The following KCNMA1 variants were observed in gnomAD, a reference collection of about 807,000 sequenced individuals.
The protein encoded by KCNMA1 is Calcium-activated potassium channel subunit alpha-1.
A neutral mutation model predicts 140.0 loss-of-function variants in KCNMA1; 29 were observed. That is an observed-to-expected ratio of 0.21 (90% CI 0.15 to 0.28). The LOEUF (loss-of-function observed/expected upper bound fraction) is 0.28, where lower values mean the gene tolerates loss of function less well. Among genes scored for constraint, KCNMA1 ranks in the 10% least tolerant of loss-of-function variants. KCNMA1 has a pLI of 1.00. For synonymous variants in KCNMA1, 612 were observed against 611.9 expected, an observed-to-expected ratio of 1.00 and a Z score of 0.00; for missense variants, 880 against 1,602.2, an observed-to-expected ratio of 0.55 and a Z score of 7.70.
intron 14 of KCNMA1, among the ~76,000 whole-genome samples, chr10:77,069,326 G>A (rs1175586313): frequency 6.6e-6 from 1 of 152,142 alleles, no homozygotes; most frequent in Non-Finnish European, 1.5e-5. Flanking sequence ...GAACTCAAGG[G>A]TTCAAATAAG....
intron 2 of KCNMA1, among the ~76,000 whole-genome samples, chr10:77,297,381 C>T (rs1332591075): frequency 6.6e-6 from 1 of 152,170 alleles, no homozygotes; most frequent in Admixed American, 6.5e-5. Flanking sequence ...AAAGATATAA[C>T]AGAAAAAGCC....
chr10:77,419,167 G>C (rs796110803), intron 1 of KCNMA1, among the ~76,000 whole-genome samples: 1 of 152,272 alleles, frequency 6.6e-6, no homozygotes, highest in Non-Finnish European at 1.5e-5. Context: ...CTGGCATGAA[G>C]GTCACATGAG....
chr10:77,384,831 C>T (rs1764986448), intron 2 of KCNMA1, among the ~76,000 whole-genome samples: 1 of 152,218 alleles, frequency 6.6e-6, no homozygotes, highest in African/African-American at 2.4e-5. Flanking sequence ...TTGAGATCTT[C>T]CCATTCATTC....
At chr10:77,193,660 C>T (rs188730146) in intron 3 of KCNMA1, among the ~76,000 whole-genome samples, 82 of 152,278 alleles carry the variant, frequency 5.4e-4, no homozygotes, top group African/African-American at 1.9e-3. Context: ...ACCCACACAA[C>T]GTGTACACAC....
intron 25 of KCNMA1, among the ~76,000 whole-genome samples, chr10:76,895,172 C>T (rs986820548): frequency 7.9e-5 from 12 of 152,150 alleles, no homozygotes; most frequent in Non-Finnish European, 1.5e-4. Context: ...CTTGCTCAAT[C>T]GATCACAACC....
chr10:77,077,667 G>A (rs2096440731), intron 13 of KCNMA1, among the ~76,000 whole-genome samples: 2 of 152,168 alleles, frequency 1.3e-5, no homozygotes, highest in Non-Finnish European at 2.9e-5. Context: ...CTAAACAACA[G>A]CTTAAAGCAC....
intron 1 of KCNMA1, among the ~76,000 whole-genome samples, chr10:77,405,455 C>T (rs986590301): frequency 1.3e-5 from 2 of 152,318 alleles, no homozygotes; most frequent in Non-Finnish European, 2.9e-5. Flanking sequence ...ATCAGCCCCT[C>T]GTTAGCTACA....
At chr10:77,470,575 A>T (rs1359811048) in intron 1 of KCNMA1, among the ~76,000 whole-genome samples, 3 of 152,246 alleles carry the variant, frequency 2.0e-5, no homozygotes, top group African/African-American at 7.2e-5. Flanking sequence ...AGTGGAGAAG[A>T]AAAAGAAGAA....
At chr10:77,109,998 A>C (rs2097284588) in intron 8 of KCNMA1, among the ~76,000 whole-genome samples, 175 bp downstream of exon 8, 1 of 152,194 alleles carries the variant, frequency 6.6e-6, no homozygotes, top group Non-Finnish European at 1.5e-5. Context: ...AGTGTAATAC[A>C]CCAAGAATTA....
At chr10:76,996,398 T>A (rs1162600203) in intron 19 of KCNMA1, among the ~76,000 whole-genome samples, 1 of 152,150 alleles carries the variant, frequency 6.6e-6, no homozygotes, top group Non-Finnish European at 1.5e-5. Flanking sequence ...AAGAGTGTCT[T>A]AAGAAGCCCC....
intron 5 of KCNMA1, among the ~76,000 whole-genome samples, chr10:77,158,522 C>G (rs1227213397): frequency 6.6e-6 from 1 of 152,026 alleles, no homozygotes. Flanking sequence ...TTGTGTGAAT[C>G]TGATATTCCC....
chr10:77,126,717 A>AAACCCCC (rs781116991), intron 5 of KCNMA1, among the ~76,000 whole-genome samples: 1 of 68,418 alleles, frequency 1.5e-5, no homozygotes, highest in African/African-American at 5.3e-5. Context: ...GGTGCCCCCC[A>AAACCCCC]CCCCCCCACC....
intron 3 of KCNMA1, among the ~76,000 whole-genome samples, chr10:77,227,260 A>G (rs994627204): frequency 6.6e-6 from 1 of 152,206 alleles, no homozygotes; most frequent in African/African-American, 2.4e-5. Flanking sequence ...GCAATTGATC[A>G]CTTTCCTTAC....
chr10:76,931,499 C>T (rs2059261442), intron 23 of KCNMA1, among the ~76,000 whole-genome samples: 1 of 150,392 alleles, frequency 6.6e-6, no homozygotes, highest in Admixed American at 6.6e-5. Context: ...TGGCTGAGAC[C>T]CAAAATTACT....
chr10:77,537,611 C>T (rs981589652), intron 1 of KCNMA1, among the ~76,000 whole-genome samples: 2 of 152,140 alleles, frequency 1.3e-5, no homozygotes, highest in African/African-American at 4.8e-5. Context: ...TTGAAGACAC[C>T]TAAAATCCTA....
At chr10:77,322,142 A>C (rs2082525816) in intron 2 of KCNMA1, among the ~76,000 whole-genome samples, 1 of 152,150 alleles carries the variant, frequency 6.6e-6, no homozygotes, top group Admixed American at 6.5e-5. Flanking sequence ...ATCACCATGA[A>C]AGGCCAAGGG....
intron 19 of KCNMA1, chr10:76,978,401 T>G (rs1183868981): frequency 6.6e-6 from 1 of 152,246 alleles, no homozygotes; most frequent in East Asian, 1.9e-4. Context: ...TATGTATTTA[T>G]GAATTTATAA....
chr10:77,600,549 G>A (rs2082282427), intron 1 of KCNMA1, among the ~76,000 whole-genome samples: 1 of 152,160 alleles, frequency 6.6e-6, no homozygotes, highest in African/African-American at 2.4e-5. Context: ...GGCAGTTTGA[G>A]ACCAGCCTGA....
At chr10:77,059,057 G>T (rs2153661196) in intron 14 of KCNMA1, among the ~76,000 whole-genome samples, 1 of 151,690 alleles carries the variant, frequency 6.6e-6, no homozygotes, top group South Asian at 2.1e-4. Flanking sequence ...GGACAATAAT[G>T]GGATACTATG....
Sources: allele counts gnomAD v4.1 joint callset (sites outside exome capture counted in the v4.1 genomes callset), GRCh38; gene constraint gnomAD v4.1.1; transcripts MANE v1.5; gene names NCBI Gene and HGNC (gene_info 2026-07-23, HGNC 2026-07-21).